UBE3A: variants seen among roughly 807,000 people sequenced by gnomAD.
UBE3A encodes the protein ubiquitin-protein ligase E3A.
UBE3A carries 6 observed loss-of-function variants against 83.4 expected under a neutral mutation model. The observed-to-expected ratio is 0.07, with a 90% CI of 0.04 to 0.14. The LOEUF is 0.14. UBE3A is among the 10% of genes least tolerant of loss of function. UBE3A has a pLI of 1.00. For synonymous variants in UBE3A, 337 were observed against 355.4 expected, an observed-to-expected ratio of 0.95 and a Z score of 0.58; for missense variants, 456 against 1,036.1, an observed-to-expected ratio of 0.44 and a Z score of 7.69.
intron 5 of UBE3A, chr15:25,373,932 G>A (rs1252697533): frequency 6.6e-6 from 1 of 152,188 alleles, no homozygotes; most frequent in Non-Finnish European, 1.5e-5. Context: ...TGTGATAAAT[G>A]TGTCCCTGAA....
intron 1 of UBE3A, among the ~76,000 whole-genome samples, chr15:25,431,540 A>C (rs1004145996): frequency 6.6e-5 from 10 of 152,052 alleles, no homozygotes; most frequent in Non-Finnish European, 1.5e-4. Flanking sequence ...ACAGGGTTTC[A>C]CCATGTTGGC....
chr15:25,396,350 G>C (rs2050518916), intron 4 of UBE3A, among the ~76,000 whole-genome samples: 1 of 152,040 alleles, frequency 6.6e-6, no homozygotes, highest in African/African-American at 2.4e-5. Flanking sequence ...CACGTCTGTA[G>C]TCCCAGCACT....
intron 1 of UBE3A, among the ~76,000 whole-genome samples, chr15:25,425,628 C>A (rs372002124): frequency 4.6e-5 from 7 of 151,966 alleles, no homozygotes; most frequent in Non-Finnish European, 8.8e-5. Context: ...CAGTTAAACA[C>A]ACTTAACAAC....
At chr15:25,358,577 T>C (rs1027852236) in intron 7 of UBE3A, among the ~76,000 whole-genome samples, 1 of 152,278 alleles carries the variant, frequency 6.6e-6, no homozygotes, top group African/African-American at 2.4e-5. Flanking sequence ...AAATCTGTAA[T>C]TTCCAATAGA....
chr15:25,407,760 A>T (rs1042095245), intron 3 of UBE3A: 2 of 152,228 alleles, frequency 1.3e-5, no homozygotes, highest in Non-Finnish European at 1.5e-5. Flanking sequence ...GTTCTACTCA[A>T]ATTGGAAATT....
intron 1 of UBE3A, among the ~76,000 whole-genome samples, chr15:25,435,170 T>C (rs1164170547): frequency 2.0e-5 from 3 of 147,870 alleles, no homozygotes; most frequent in East Asian, 4.1e-4. Context: ...ATTGAGTCCA[T>C]AGAACTGCTC....
At chr15:25,387,744 A>C (rs913070366) in intron 4 of UBE3A, among the ~76,000 whole-genome samples, 5 of 152,180 alleles carry the variant, frequency 3.3e-5, no homozygotes, top group African/African-American at 1.2e-4. Context: ...TAAGAAAAAG[A>C]GACAAAGGAC....
At chr15:25,396,592 T>C (rs895873765) in intron 4 of UBE3A, among the ~76,000 whole-genome samples, 2 of 152,170 alleles carry the variant, frequency 1.3e-5, no homozygotes, top group African/African-American at 4.8e-5. Context: ...CACTGCACTC[T>C]AGCTGTATCA....
rs1295454289 is a variant in UBE3A at position 25,335,121 on chromosome 15, TAA to T, written c.*4014_*4015del. On this transcript the variant is annotated 3_prime_UTR_variant, in exon 13 of 13. Coordinates refer to ENST00000648336, the MANE Select transcript of UBE3A (RefSeq NM_130839.5). ...TGGAAAGAGTATCAAGAGGAGACCC[TAA>T]GACACTCTGTAAGAATCCCAGTGAC... 1 of 152,106 alleles carries T rather than the reference TAA, an allele frequency of 6.6e-6. No individual in the cohort carries two copies. Among genetic ancestry groups the T allele is most frequent in the African/African-American group, 2.4e-5 (1 of 41,400 alleles). 9.4% of individuals were successfully genotyped at this position (152,106 alleles called of 1,614,324 possible).
intron 5 of UBE3A, chr15:25,374,618 T>C (rs1320708912): frequency 6.6e-6 from 1 of 152,356 alleles, no homozygotes; most frequent in African/African-American, 2.4e-5. Flanking sequence ...CAATGCCACT[T>C]CACTAATTCT....
At chr15:25,409,855 C>T (rs1269793277) in intron 2 of UBE3A, among the ~76,000 whole-genome samples, 3 of 152,040 alleles carry the variant, frequency 2.0e-5, no homozygotes, top group Admixed American at 1.3e-4. Context: ...CACATAAACA[C>T]AAAGTCTAGT....
At chr15:25,397,863 C>G (rs1336899157) in intron 4 of UBE3A, among the ~76,000 whole-genome samples, 1 of 152,000 alleles carries the variant, frequency 6.6e-6, no homozygotes, top group Admixed American at 6.6e-5. Context: ...ACTCTAGGCC[C>G]CCAAAATATT....
At chr15:25,339,953 G>T in intron 12 of UBE3A, 132 bp downstream of exon 12, 1 of 1,240,378 alleles carries the variant, frequency 8.1e-7, no homozygotes, top group Non-Finnish European at 1.2e-6. Flanking sequence ...TTTCTCAATT[G>T]TCTAATATGA....
intron 4 of UBE3A, among the ~76,000 whole-genome samples, chr15:25,378,596 G>A (rs1014851586): frequency 2.0e-5 from 3 of 152,118 alleles, no homozygotes; most frequent in Non-Finnish European, 4.4e-5. Flanking sequence ...GTCAAATCAC[G>A]AAACCAAGAT....
chr15:25,341,074 A>AT (rs559324409), intron 11 of UBE3A, among the ~76,000 whole-genome samples: 10,036 of 147,992 alleles, frequency 0.068, 437 homozygotes, highest in Middle Eastern at 0.14. Context: ...AGCTAAATAA[A>AT]TTTTTTTTTT....
chr15:25,387,896 C>A (rs2083469845), intron 4 of UBE3A, among the ~76,000 whole-genome samples: 1 of 152,140 alleles, frequency 6.6e-6, no homozygotes, highest in Non-Finnish European at 1.5e-5. Flanking sequence ...CCTTAAAAGA[C>A]ACAATCTATT....
At chr15:25,394,378 A>G (rs1032871435) in intron 4 of UBE3A, among the ~76,000 whole-genome samples, 1 of 152,202 alleles carries the variant, frequency 6.6e-6, no homozygotes, top group East Asian at 1.9e-4. Flanking sequence ...GTATACTGGA[A>G]GCATACAAAA....
At chr15:25,404,685 ACTAT>A (rs1447158251) in intron 4 of UBE3A, among the ~76,000 whole-genome samples, 3 of 152,176 alleles carry the variant, frequency 2.0e-5, no homozygotes, top group African/African-American at 7.2e-5. Flanking sequence ...TGACAAACTT[ACTAT>A]CTACCTACTG....
intron 4 of UBE3A, among the ~76,000 whole-genome samples, chr15:25,401,281 T>C (rs953268262): frequency 4.6e-5 from 7 of 152,192 alleles, no homozygotes; most frequent in Non-Finnish European, 1.0e-4. Flanking sequence ...TGGAGAGTTC[T>C]TGTCTGGCTT....
Sources: gnomAD v4.1 joint callset for allele counts (sites outside exome capture counted in the v4.1 genomes callset) on GRCh38, gnomAD v4.1.1 for gene constraint, MANE v1.5 for transcripts, NCBI Gene and HGNC (gene_info 2026-07-23, HGNC 2026-07-21) for gene names.